PMFBP1: variants seen among roughly 807,000 people sequenced by gnomAD.
The protein encoded by PMFBP1 is polyamine-modulated factor 1-binding protein 1.
A neutral mutation model predicts 137.8 loss-of-function variants in PMFBP1; 131 were observed. The ratio of observed to expected loss-of-function variants is 0.95; its 90% CI spans 0.82 to 1.10. The LOEUF is 1.10. Ranked by LOEUF, PMFBP1 falls within the 50% of genes least tolerant of loss-of-function variation. PMFBP1 has a pLI of 0.00. For synonymous variants in PMFBP1, 490 were observed against 450.4 expected (o/e 1.09, Z -1.11); for missense variants, 1,199 against 1,175.4 (o/e 1.02, Z -0.29).
At chr16:72,167,526 A>G (rs2043162691) in intron 2 of PMFBP1, among the ~76,000 whole-genome samples, 1 of 152,186 alleles carries the variant, frequency 6.6e-6, no homozygotes, top group Non-Finnish European at 1.5e-5. Flanking sequence ...AAGATGGTGT[A>G]CAGACACTGT....
At chr16:72,124,377 C>T (rs1012638042) in intron 17 of PMFBP1, among the ~76,000 whole-genome samples, 1 of 152,198 alleles carries the variant, frequency 6.6e-6, no homozygotes, top group Non-Finnish European at 1.5e-5. Flanking sequence ...CGGCCTCCTG[C>T]CATGAACTTC....
At chr16:72,191,998 A>G in the PMFBP1 span, among the ~76,000 whole-genome samples, 160 of 152,330 alleles carry the variant, frequency 1.1e-3, no homozygotes, top group South Asian at 1.9e-3. Flanking sequence ...AGAATGATCA[A>G]ATGCGTGTGT....
the PMFBP1 span, among the ~76,000 whole-genome samples, chr16:72,220,095 C>T: frequency 3.9e-5 from 6 of 152,150 alleles, no homozygotes; most frequent in Non-Finnish European, 7.3e-5. Context: ...TGGAAATGAA[C>T]GGGCATAACT....
At chr16:72,208,852 C>T in the PMFBP1 span, among the ~76,000 whole-genome samples, 1 of 152,208 alleles carries the variant, frequency 6.6e-6, no homozygotes, top group African/African-American at 2.4e-5. Context: ...TCAGCTGGGG[C>T]AGGTGGTAAG....
chr16:72,127,068 G>C (rs1286425385), intron 14 of PMFBP1, among the ~76,000 whole-genome samples: 2 of 152,234 alleles, frequency 1.3e-5, no homozygotes, highest in African/African-American at 4.8e-5. Flanking sequence ...CTGGAAGCCA[G>C]AGGGAGACCT....
At chr16:72,196,933 G>T in the PMFBP1 span, among the ~76,000 whole-genome samples, 1 of 152,182 alleles carries the variant, frequency 6.6e-6, no homozygotes, top group Non-Finnish European at 1.5e-5. Context: ...ACTTACATTT[G>T]CTTGATTATA....
At chr16:72,182,477 C>G in the PMFBP1 span, among the ~76,000 whole-genome samples, 1 of 113,032 alleles carries the variant, frequency 8.8e-6, no homozygotes, top group African/African-American at 3.5e-5. Flanking sequence ...GCCTGAGCAA[C>G]AGAGTGAAAC....
the PMFBP1 span, among the ~76,000 whole-genome samples, chr16:72,232,592 C>T: frequency 2.0e-5 from 3 of 152,132 alleles, no homozygotes; most frequent in African/African-American, 7.2e-5. Context: ...TTTAACATGA[C>T]TGTCATGGGC....
chr16:72,147,133 G>C (rs190573573), intron 5 of PMFBP1, among the ~76,000 whole-genome samples: 43 of 152,264 alleles, frequency 2.8e-4, no homozygotes, highest in Non-Finnish European at 2.9e-4. Context: ...ATATTACAAG[G>C]CTACAGTAAC....
intron 3 of PMFBP1, among the ~76,000 whole-genome samples, chr16:72,158,339 C>G (rs2043012708): frequency 6.6e-6 from 1 of 152,196 alleles, no homozygotes; most frequent in Non-Finnish European, 1.5e-5. Flanking sequence ...TGTATTTACT[C>G]TGTGTAGCTA....
the PMFBP1 span, among the ~76,000 whole-genome samples, chr16:72,183,171 T>C: frequency 6.6e-6 from 1 of 152,332 alleles, no homozygotes; most frequent in Admixed American, 6.5e-5. Flanking sequence ...GCCTAGTTCC[T>C]CTATGAAGTA....
chr16:72,117,730 T>G (rs74249760), downstream of PMFBP1, among the ~76,000 whole-genome samples: 1 of 64,514 alleles, frequency 1.6e-5, no homozygotes, highest in African/African-American at 6.8e-5. Flanking sequence ...TAAAAGAGTG[T>G]TGTTGTAACC....
chr16:72,159,502 C>A (rs1191395131), intron 3 of PMFBP1, among the ~76,000 whole-genome samples: 1 of 152,112 alleles, frequency 6.6e-6, no homozygotes, highest in Non-Finnish European at 1.5e-5. Context: ...ACCTAATTTG[C>A]CTGGTTATAA....
In PMFBP1 at chr16:72,125,247, ACTCT is replaced by A. The variant is rs1340385234; in HGVS notation, c.2408_2411del (p.Glu803ValfsTer12). 6.2e-7 allele frequency: 1 copy of A among 1,612,128 alleles called. No homozygotes were observed. Among genetic ancestry groups the A allele is most frequent in the African/African-American group, 1.3e-5 (1 of 74,470 alleles). On this transcript the variant is annotated frameshift_variant, in exon 16 of 21. Coordinates refer to ENST00000237353, the MANE Select transcript of PMFBP1 (RefSeq NM_031293.3). LOFTEE classifies it high-confidence loss of function. The stretch of plus-strand genomic sequence containing the variant: ...CCTGGCAGCTCCTCACCTCCAGCTC[ACTCT>A]CCTGGTGGAAGCCCCGCAGTTTTCT...
At chr16:72,245,852 T>C in the PMFBP1 span, among the ~76,000 whole-genome samples, 1 of 152,204 alleles carries the variant, frequency 6.6e-6, no homozygotes, top group Non-Finnish European at 1.5e-5. Flanking sequence ...GATATTACAC[T>C]TGTATTTGAA....
At chr16:72,118,351 A>G (rs2042328883), downstream of PMFBP1, among the ~76,000 whole-genome samples, 1 of 152,194 alleles carries the variant, frequency 6.6e-6, no homozygotes, top group Non-Finnish European at 1.5e-5. Context: ...CCTAGCTCAC[A>G]CTGCATTTCT....
chr16:72,150,940 G>T, intron 4 of PMFBP1, 111 bp from the exon 5 acceptor site: 1 of 883,790 alleles, frequency 1.1e-6, no homozygotes, highest in Non-Finnish European at 1.8e-6. Flanking sequence ...CAGAAGACCA[G>T]ATGAACAGAA....
chr16:72,240,910 T>TGA, the PMFBP1 span, among the ~76,000 whole-genome samples: 1 of 151,220 alleles, frequency 6.6e-6, no homozygotes, highest in African/African-American at 2.5e-5. Flanking sequence ...GTGGTGTGTG[T>TGA]GTGAGAGAGA....
the PMFBP1 span, among the ~76,000 whole-genome samples, chr16:72,220,786 G>A: frequency 6.6e-6 from 1 of 152,292 alleles, no homozygotes; most frequent in African/African-American, 2.4e-5. Context: ...GACACATTGA[G>A]GGGACCCAGG....
Sources: allele counts gnomAD v4.1 joint callset (sites outside exome capture counted in the v4.1 genomes callset), GRCh38; gene constraint gnomAD v4.1.1; transcripts MANE v1.5; gene names NCBI Gene and HGNC (gene_info 2026-07-23, HGNC 2026-07-21).